Variants in LRP6 observed in about 807,000 individuals in gnomAD.
LRP6 encodes the protein low-density lipoprotein receptor-related protein 6.
Under a neutral mutation model 184.1 loss-of-function variants are expected in LRP6, and 43 were observed. That is an observed-to-expected ratio of 0.23 (90% confidence interval 0.18 to 0.30). The LOEUF is 0.30. Among genes scored for constraint, LRP6 ranks in the 10% least tolerant of loss-of-function variants. The pLI is 1.00. For synonymous variants in LRP6, 719 were observed against 684.9 expected, an observed-to-expected ratio of 1.05 and a Z score of -0.78; for missense variants, 1,571 against 2,005.3, an observed-to-expected ratio of 0.78 and a Z score of 4.14.
At chr12:12,232,004 A>AAAAAC (rs1565686019) in intron 2 of LRP6, among the ~76,000 whole-genome samples, 40 of 150,672 alleles carry the variant, frequency 2.7e-4, no homozygotes, top group South Asian at 4.2e-4. Context: ...GCCTCAAAAA[A>AAAAAC]AAAAACAAAA....
At chr12:12,244,207 T>A (rs1235981997) in intron 2 of LRP6, 55 bp downstream of exon 2, 1 of 1,580,518 alleles carries the variant, frequency 6.3e-7, no homozygotes, top group Non-Finnish European at 8.7e-7. Flanking sequence ...TGTATGTCAG[T>A]GGAGAAAAAC....
chr12:12,181,682 T>G (rs182268553), intron 5 of LRP6, among the ~76,000 whole-genome samples: 39 of 152,332 alleles, frequency 2.6e-4, no homozygotes, highest in Non-Finnish European at 4.9e-4. Flanking sequence ...TATGGTTTCA[T>G]TGGAATTAAT....
intron 2 of LRP6, among the ~76,000 whole-genome samples, chr12:12,230,158 G>A (rs183182801): frequency 9.2e-5 from 14 of 152,254 alleles, no homozygotes; most frequent in Admixed American, 9.2e-4. Flanking sequence ...AGTAAAGCAA[G>A]TAAACATATA....
chr12:12,216,137 G>A (rs1864337183), intron 2 of LRP6, among the ~76,000 whole-genome samples: 1 of 152,132 alleles, frequency 6.6e-6, no homozygotes, highest in African/African-American at 2.4e-5. Flanking sequence ...CTAATTCGCT[G>A]CAACAGACTT....
chr12:12,255,989 A>G (rs905050969), intron 1 of LRP6, among the ~76,000 whole-genome samples: 3 of 152,182 alleles, frequency 2.0e-5, no homozygotes, highest in African/African-American at 7.2e-5. Context: ...TTTCAAAACC[A>G]CAAGAAGGCC....
At chr12:12,146,647 C>T (rs1950011212) in intron 15 of LRP6, among the ~76,000 whole-genome samples, 1 of 152,126 alleles carries the variant, frequency 6.6e-6, no homozygotes, top group South Asian at 2.1e-4. Flanking sequence ...CTTAAGAGTA[C>T]AACTAGACTT....
intron 3 of LRP6, among the ~76,000 whole-genome samples, chr12:12,192,382 T>TAA (rs1565626806): frequency 6.7e-6 from 1 of 149,034 alleles, no homozygotes; most frequent in African/African-American, 2.5e-5. Flanking sequence ...ATAAGATAAT[T>TAA]TAAAAAAAAA....
chr12:12,136,051 G>T (rs886081206), intron 16 of LRP6, among the ~76,000 whole-genome samples: 7 of 152,110 alleles, frequency 4.6e-5, no homozygotes, highest in Non-Finnish European at 8.8e-5. Context: ...GCTGGGTGTG[G>T]TGGCATGCAC....
chr12:12,134,464 C>A (rs914817487), intron 17 of LRP6, among the ~76,000 whole-genome samples: 1 of 152,092 alleles, frequency 6.6e-6, no homozygotes, highest in Non-Finnish European at 1.5e-5. Context: ...GTGCCTGATA[C>A]CATCATACTA....
At chr12:12,264,836 T>C (rs760197463) in intron 1 of LRP6, among the ~76,000 whole-genome samples, 26 of 152,194 alleles carry the variant, frequency 1.7e-4, no homozygotes, top group Non-Finnish European at 3.2e-4. Flanking sequence ...TTCGCCACAT[T>C]TAAAACGAGA....
In LRP6 at chr12:12,266,975, C is replaced by T. The variant is rs1218330161; in HGVS notation, c.-240G>A. On this transcript the variant is annotated 5_prime_UTR_variant, in exon 1 of 23. Transcript: ENST00000261349. ...GTCTGCTTCCATCCCGCCGCCTCCT[C>T]CCCCGGCGCCCCGCTTCCCCCGCGC... 1.9e-6 allele frequency: 1 copy of T among 535,102 alleles called. No individual in the cohort carries two copies. Among genetic ancestry groups the T allele is most frequent in the Non-Finnish European group, 3.3e-6 (1 of 306,898 alleles). 33.1% of individuals were successfully genotyped at this position (535,102 alleles called of 1,614,324 possible). A position where few individuals can be genotyped will look rare whatever the true frequency, so the allele number is the denominator to read the frequency against.
At chr12:12,135,379 C>G (rs1949822526) in intron 16 of LRP6, 79 bp from the exon 17 acceptor site, 3 of 906,972 alleles carry the variant, frequency 3.3e-6, no homozygotes. Flanking sequence ...GAAAAAGGGA[C>G]AACCCTGTCA....
intron 4 of LRP6, among the ~76,000 whole-genome samples, chr12:12,184,663 T>G (rs1863426676): frequency 6.6e-6 from 1 of 152,156 alleles, no homozygotes; most frequent in Admixed American, 6.5e-5. Flanking sequence ...AGGTTTCTAC[T>G]GACTAATAGG....
chr12:12,236,128 G>A (rs1226094404), intron 2 of LRP6, among the ~76,000 whole-genome samples: 1 of 152,140 alleles, frequency 6.6e-6, no homozygotes, highest in East Asian at 1.9e-4. Flanking sequence ...TCGGGAGGCT[G>A]AGGCAGGAGA....
At chr12:12,131,233 A>G (rs546172156) in intron 18 of LRP6, among the ~76,000 whole-genome samples, 3 of 149,842 alleles carry the variant, frequency 2.0e-5, no homozygotes, top group African/African-American at 7.4e-5. Flanking sequence ...TCAGCCTCCC[A>G]AGTAGCTGGG....
intron 5 of LRP6, 130 bp from the exon 6 acceptor site, chr12:12,181,569 C>G: frequency 1.5e-6 from 1 of 682,508 alleles, no homozygotes; most frequent in Non-Finnish European, 2.6e-6. Context: ...GATGTGCACT[C>G]TCTTTAGAGT....
At chr12:12,138,029 G>A (rs1032603533) in intron 16 of LRP6, among the ~76,000 whole-genome samples, 1 of 151,876 alleles carries the variant, frequency 6.6e-6, no homozygotes, top group African/African-American at 2.4e-5. Context: ...AAATTAGCGA[G>A]GCATGGTGGC....
At position 12,266,840 on chromosome 12, in the gene LRP6, T is replaced by G; in HGVS notation, c.-105A>C. 2.3e-6 allele frequency: 2 copies of G among 874,014 alleles called. No individual in the cohort carries two copies. The highest frequency in any genetic ancestry group is 1.9e-6 in the Non-Finnish European group (1 of 529,664). The allele number at this position is 874,014 out of a possible 1,614,324, so 54.1% of individuals were successfully genotyped here. A position where few individuals can be genotyped will look rare whatever the true frequency, so the allele number is the denominator to read the frequency against. ...CAGCGGCAGGGCTGCACGCTCATAC[T>G]TCCCAGCTTCCCAGCGAGAGAAGAA... On this transcript the variant is annotated 5_prime_UTR_variant, in exon 1 of 23. Transcript: ENST00000261349.
intron 3 of LRP6, among the ~76,000 whole-genome samples, 184 bp downstream of exon 3, chr12:12,203,019 T>C (rs954935404): frequency 2.4e-4 from 37 of 152,200 alleles, no homozygotes; most frequent in Non-Finnish European, 1.0e-4. Flanking sequence ...CTAAATGCTA[T>C]CAAGATGGAT....
Sources: gnomAD v4.1 joint callset for allele counts (sites outside exome capture counted in the v4.1 genomes callset) on GRCh38, gnomAD v4.1.1 for gene constraint, MANE v1.5 for transcripts, NCBI Gene and HGNC (gene_info 2026-07-23, HGNC 2026-07-21) for gene names.